The following GTF3C6 variants were observed in gnomAD, a reference collection of about 807,000 sequenced individuals.
GTF3C6 encodes general transcription factor IIIC subunit 6.
Under a neutral mutation model 19.2 loss-of-function variants are expected in GTF3C6, and 11 were observed. That is an observed-to-expected ratio of 0.57 (90% confidence interval 0.36 to 0.95). The LOEUF (loss-of-function observed/expected upper bound fraction) is 0.95. GTF3C6 is among the 40% of genes least tolerant of loss of function. The pLI is 0.01. For synonymous variants in GTF3C6, 87 were observed against 84.2 expected (o/e 1.03, Z -0.18); for missense variants, 222 against 254.7 (o/e 0.87, Z 0.87).
At chr6:110,965,546 T>C (rs1771219666) in intron 5 of GTF3C6, among the ~76,000 whole-genome samples, 1 of 152,200 alleles carries the variant, frequency 6.6e-6, no homozygotes, top group African/African-American at 2.4e-5. Flanking sequence ...TTGTTCCTAT[T>C]ATGTATATCC....
At chr6:110,966,040 A>C (rs1304417375) in intron 5 of GTF3C6, among the ~76,000 whole-genome samples, 8 of 152,206 alleles carry the variant, frequency 5.3e-5, no homozygotes, top group Admixed American at 5.2e-4. Context: ...TGTTGGCAGG[A>C]GGCCTCAGTT....
At chr6:110,963,118 G>A (rs889282766) in intron 5 of GTF3C6, among the ~76,000 whole-genome samples, 3 of 151,940 alleles carry the variant, frequency 2.0e-5, no homozygotes, top group Admixed American at 6.6e-5. Context: ...GGATTTTACC[G>A]TGTTGGCCAG....
chr6:110,961,090 C>T (rs1771154396), intron 4 of GTF3C6, among the ~76,000 whole-genome samples: 1 of 151,914 alleles, frequency 6.6e-6, no homozygotes, highest in African/African-American at 2.4e-5. Context: ...CATTTGAAGT[C>T]CTTCTATCCC....
chr6:110,958,927 C>T, intron 1 of GTF3C6, 101 bp downstream of exon 1: 4 of 1,296,410 alleles, frequency 3.1e-6, no homozygotes, highest in Non-Finnish European at 3.2e-6. Flanking sequence ...CGGAGGGAGG[C>T]CCCACTGCTC....
chr6:110,965,618 C>G (rs1253920004), intron 5 of GTF3C6, among the ~76,000 whole-genome samples: 1 of 152,122 alleles, frequency 6.6e-6, no homozygotes, highest in South Asian at 2.1e-4. Flanking sequence ...GTACTAGGTT[C>G]TAGAATAAAC....
intron 4 of GTF3C6, among the ~76,000 whole-genome samples, chr6:110,961,081 A>G (rs1468858449): frequency 6.6e-6 from 1 of 151,902 alleles, no homozygotes. Flanking sequence ...TTCCAGATAC[A>G]TTTGAAGTCC....
chr6:110,959,090 G>A, intron 1 of GTF3C6, 82 bp from the exon 2 acceptor site: 1 of 1,055,180 alleles, frequency 9.5e-7, no homozygotes, highest in Middle Eastern at 2.0e-4. Context: ...TTTCACAAAT[G>A]TGGGAAATTT....
At position 110,960,751 on chromosome 6, in the gene GTF3C6, TAAAA is replaced by T. The variant is rs34157069; in HGVS notation, c.247+144_247+147del. The T allele has an allele frequency of 1.5e-4, 96 of 633,848 alleles. 1 individual carries two copies. The highest frequency in any genetic ancestry group is 2.4e-4 in the Non-Finnish European group (91 of 382,418). The allele number at this position is 633,848 out of a possible 1,614,324, so 39.3% of individuals were successfully genotyped here. On this transcript the variant is annotated intron_variant, in intron 4 of 5. Transcript: ENST00000329970. Reference sequence around the variant, plus strand: ...TCCCAAACGTGACTCAGATTATAGTTAAAAAAAAAAAATGCCAGGCTGGGCCAGG... The same window carrying T: ...TCCCAAACGTGACTCAGATTATAGTTAAAAAAAATGCCAGGCTGGGCCAGG...
intron 5 of GTF3C6, among the ~76,000 whole-genome samples, chr6:110,963,160 CA>C (rs1771186950): frequency 6.6e-6 from 1 of 152,042 alleles, no homozygotes; most frequent in South Asian, 2.1e-4. Context: ...TCAAGTGATC[CA>C]CCTACCTTGG....
Position 110,967,858 on chromosome 6 carries a change from A to T in GTF3C6, c.*68A>T. Reference sequence around the variant, plus strand: ...GAACTTTTTAGAGTTGTTACATAAAAATAATTGCTGTGTAGCTTTCAGTCT... The same window carrying T: ...GAACTTTTTAGAGTTGTTACATAAATATAATTGCTGTGTAGCTTTCAGTCT... On this transcript the variant is annotated 3_prime_UTR_variant, in exon 6 of 6. Coordinates refer to ENST00000329970, the MANE Select transcript of GTF3C6 (RefSeq NM_138408.4). 1 of 1,331,420 alleles carries T rather than the reference A, an allele frequency of 7.5e-7. No homozygotes were observed. 82.5% of individuals were successfully genotyped at this position (1,331,420 alleles called of 1,614,324 possible). A position where few individuals can be genotyped will look rare whatever the true frequency, so the allele number is the denominator to read the frequency against.
At chr6:110,960,284 T>C in intron 2 of GTF3C6, 130 bp from the exon 3 acceptor site, 2 of 695,744 alleles carry the variant, frequency 2.9e-6, no homozygotes, top group East Asian at 2.7e-5. Flanking sequence ...TAGTTTATCC[T>C]GTACTTGGTA....
chr6:110,967,029 TG>T (rs1737837381), intron 5 of GTF3C6, among the ~76,000 whole-genome samples: 1 of 152,072 alleles, frequency 6.6e-6, no homozygotes, highest in Non-Finnish European at 1.5e-5. Flanking sequence ...GGCACACACC[TG>T]TAATCCCAGC....
chr6:110,961,060 AAAAG>A (rs1333603313), intron 4 of GTF3C6, among the ~76,000 whole-genome samples: 1 of 151,970 alleles, frequency 6.6e-6, no homozygotes, highest in Non-Finnish European at 1.5e-5. Context: ...AAAAACAAAC[AAAAG>A]AACCCATTCC....
chr6:110,965,353 C>T (rs985968202), intron 5 of GTF3C6, among the ~76,000 whole-genome samples: 55 of 152,032 alleles, frequency 3.6e-4, no homozygotes, highest in African/African-American at 1.2e-3. Flanking sequence ...GAAGCAGACA[C>T]GTTTGTGGAG....
intron 1 of GTF3C6, 162 bp downstream of exon 1, chr6:110,958,988 T>G: frequency 1.1e-6 from 1 of 892,306 alleles, no homozygotes; most frequent in Non-Finnish European, 1.8e-6. Context: ...CTTGGGACCT[T>G]AGCCCTAATC....
At chr6:110,958,854 A>G (rs757534524) in intron 1 of GTF3C6, 28 bp downstream of exon 1, 4 of 1,549,156 alleles carry the variant, frequency 2.6e-6, no homozygotes, top group Non-Finnish European at 3.5e-6. Flanking sequence ...AAAAGCCTGC[A>G]CCGCAGTGGC....
intron 5 of GTF3C6, among the ~76,000 whole-genome samples, chr6:110,964,638 G>A (rs945467170): frequency 2.0e-5 from 3 of 150,142 alleles, no homozygotes; most frequent in Non-Finnish European, 4.4e-5. Context: ...TCCTTTTGAC[G>A]TTTTTCTTTT....
At chr6:110,962,363 TATA>T (rs1246938503) in intron 4 of GTF3C6, 26 bp from the exon 5 acceptor site, 3 of 1,152,372 alleles carry the variant, frequency 2.6e-6, no homozygotes, top group East Asian at 2.3e-5. Context: ...GCATAAGAAG[TATA>T]ATAATGTTGT....
In GTF3C6 at chr6:110,967,291, G is replaced by A. The variant is rs531241995; in HGVS notation, c.362-219G>A. Among the ~76,000 whole-genome samples, 8 of 152,254 alleles carry A rather than the reference G, an allele frequency of 5.3e-5. No individual in the cohort carries two copies. In the South Asian group the frequency reaches 1.2e-3, roughly 24 times the overall value. Reference sequence around the variant, plus strand: ...TGGAATAGTAATCAAAGTTGGTAACGTAGTGATTTTGATGGTACCTACCTA... The same window carrying A: ...TGGAATAGTAATCAAAGTTGGTAACATAGTGATTTTGATGGTACCTACCTA... On this transcript the variant is annotated intron_variant, in intron 5 of 5. Transcript: ENST00000329970.
Sources: gnomAD v4.1 joint callset for allele counts (sites outside exome capture counted in the v4.1 genomes callset) on GRCh38, gnomAD v4.1.1 for gene constraint, MANE v1.5 for transcripts, NCBI Gene and HGNC (gene_info 2026-07-23, HGNC 2026-07-21) for gene names.